The following TLR1 variants were observed in gnomAD, a reference collection of about 807,000 sequenced individuals.
The protein encoded by TLR1 is toll like receptor 1.
A neutral mutation model predicts 20.2 loss-of-function variants in TLR1; 19 were observed. That is an observed-to-expected ratio of 0.94 (90% CI 0.66 to 1.38). The LOEUF is 1.38. Ranked by LOEUF, TLR1 falls within the 40% of genes most tolerant of loss-of-function variation. The pLI is 0.00. For synonymous variants in TLR1, 320 were observed against 334.5 expected (o/e 0.96, Z 0.47); for missense variants, 921 against 910.0 (o/e 1.01, Z -0.16).
At chr4:38,791,836 G>T (rs578076312), downstream of TLR1, among the ~76,000 whole-genome samples, 4 of 152,280 alleles carry the variant, frequency 2.6e-5, no homozygotes, top group African/African-American at 9.6e-5. Context: ...TATGAGACAG[G>T]TATTTCCATT....
downstream of TLR1, among the ~76,000 whole-genome samples, chr4:38,795,241 C>T (rs1334504152): frequency 1.3e-5 from 2 of 152,196 alleles, no homozygotes; most frequent in Non-Finnish European, 2.9e-5. Context: ...CTTCTACAAG[C>T]ATCCCACGCA....
At position 38,798,497 on chromosome 4, in the gene TLR1, G is replaced by C; in HGVS notation, c.335C>G (p.Pro112Arg). The C allele has an allele frequency of 6.2e-7, 1 of 1,614,078 alleles. No homozygotes were observed. Among genetic ancestry groups the C allele is most frequent in the African/African-American group, 1.3e-5 (1 of 75,010 alleles). The change falls in exon 4 of 4, where the codon CCT becomes CGT. Residue 112 changes from proline to arginine, a missense_variant. Coordinates refer to ENST00000308979, the MANE Select transcript of TLR1 (RefSeq NM_003263.4). ...HNKLVKISCHPTVNLKHLDLS... is the reference protein window; with the variant it reads ...HNKLVKISCHRTVNLKHLDLS... ...GTCCAAGTGCTTGAGGTTCACAGTA[G>C]GGTGGCAAGAAATCTTCACCAACTT...
Position 38,796,404 on chromosome 4 carries a change from A to G in TLR1, c.*67T>C. 6.5e-7 allele frequency: 1 copy of G among 1,536,518 alleles called. No individual in the cohort carries two copies. Among genetic ancestry groups the G allele is most frequent in the South Asian group, 1.2e-5 (1 of 80,704 alleles). The stretch of plus-strand genomic sequence containing the variant: ...TTACATCTATGCTGATGCAAAATAA[A>G]GTCATTGTTGGAACTTCCAAAAGCA... On this transcript the variant is annotated 3_prime_UTR_variant, in exon 4 of 4. Coordinates refer to ENST00000308979, the MANE Select transcript of TLR1 (RefSeq NM_003263.4).
chr4:38,797,855 A>G lies in TLR1; in HGVS notation c.977T>C (p.Met326Thr). 1.2e-6 allele frequency: 2 copies of G among 1,614,080 alleles called. No individual in the cohort carries two copies. Among genetic ancestry groups the G allele is most frequent in the South Asian group, 2.2e-5 (2 of 91,090 alleles). The stretch of plus-strand genomic sequence containing the variant: ...AGACACTGTGAAATTTTTGATGTTC[A>G]TATTCGAAAAGATTTCATAGATATA... ...QSYIYEIFSN[M>T]NIKNFTVSGT... is the part of the protein sequence containing the mutation. Residue 326 changes from methionine (M) to threonine (T), a missense_variant, in exon 4 of 4, where the codon ATG becomes ACG. Coordinates refer to ENST00000308979, the MANE Select transcript of TLR1 (RefSeq NM_003263.4).
In TLR1 at chr4:38,798,729, C is replaced by A; in HGVS notation, c.103G>T (p.Gly35Cys). The change falls in exon 4 of 4, where the codon GGT becomes TGT. Residue 35 changes from glycine (G) to cysteine (C), a missense_variant. Coordinates refer to ENST00000308979, the MANE Select transcript of TLR1 (RefSeq NM_003263.4). ...SEFLVDRSKN[G>C]LIHVPKDLSQ... ...AGGTCTTTAGGAACGTGGATGAGACCGTTTTTTGACCTATCAACTAAAAAT... is the reference window on the plus strand; with the variant it reads ...AGGTCTTTAGGAACGTGGATGAGACAGTTTTTTGACCTATCAACTAAAAAT... 1 of 1,613,082 alleles carries A rather than the reference C, an allele frequency of 6.2e-7. No homozygotes were observed. Among genetic ancestry groups the A allele is most frequent in the South Asian group, 1.1e-5 (1 of 90,928 alleles).
At position 38,797,195 on chromosome 4, in the gene TLR1, A is replaced by T. The variant is rs1579202212; in HGVS notation, c.1637T>A (p.Val546Glu). The change falls in exon 4 of 4, where the codon GTG (valine) becomes GAG (glutamate). Residue 546 changes from valine to glutamate, a missense_variant. Val to Glu is a moderately radical substitution (Grantham distance 121). Transcript: ENST00000308979. ...VKNIDQVSSE[V>E]LEGWPDSYKC... ...ATAAGAATCAGGCCAGCCCTCTAAC[A>T]CTTCACTTGATACTTGGTCTATATT... is the stretch of plus-strand genomic sequence containing the variant. 1.2e-6 allele frequency: 2 copies of T among 1,614,218 alleles called. No homozygotes were observed. The highest frequency in any genetic ancestry group is 3.3e-5 in the Admixed American group (2 of 60,026).
At position 38,797,661 on chromosome 4, in the gene TLR1, C is replaced by G. The variant is rs1215671639; in HGVS notation, c.1171G>C (p.Ala391Pro). The stretch of plus-strand genomic sequence containing the variant: ...GACTTCATCTGTGTAGTCATTTCAG[C>G]TATTTTTGAAAGTTCTTTTAATTGA... ...MNQLKELSKI[A>P]EMTTQMKSLQ... The change falls in exon 4 of 4, where the codon GCT (alanine) becomes CCT (proline). Residue 391 changes from alanine (A) to proline (P), a missense_variant. Physicochemically the swap from Ala to Pro is conservative, Grantham distance 27. Transcript: ENST00000308979. 2 of 1,613,836 alleles carry G rather than the reference C, an allele frequency of 1.2e-6. No homozygotes were observed. Among genetic ancestry groups the G allele is most frequent in the Non-Finnish European group, 1.7e-6 (2 of 1,179,948 alleles).
chr4:38,787,773 C>T (rs1182715408), downstream of TLR1, among the ~76,000 whole-genome samples: 3 of 152,174 alleles, frequency 2.0e-5, no homozygotes, highest in South Asian at 6.2e-4. Flanking sequence ...TAGCCACATA[C>T]GGCTAGTGGC....
At position 38,796,817 on chromosome 4, in the gene TLR1, T is replaced by G; in HGVS notation, c.2015A>C (p.Asn672Thr). The G allele has an allele frequency of 6.2e-7, 1 of 1,614,216 alleles. No individual in the cohort carries two copies. Among genetic ancestry groups the G allele is most frequent in the Non-Finnish European group, 8.5e-7 (1 of 1,180,030 alleles). ...CACAATGCTCTTGCCAGGAACAAAG[T>G]TTCTCTCATGAAGGCAAATCTGCAT... Reference protein sequence around the residue: ...EGMQICLHERNFVPGKSIVEN... With the variant: ...EGMQICLHERTFVPGKSIVEN... Residue 672 changes from asparagine (N) to threonine (T), a missense_variant, in exon 4 of 4, where the codon AAC (asparagine) becomes ACC (threonine). Physicochemically the swap from Asn to Thr is moderately conservative, Grantham distance 65. Coordinates refer to ENST00000308979, the MANE Select transcript of TLR1 (RefSeq NM_003263.4).
At chr4:38,799,943 A>T (rs1251032232) in intron 3 of TLR1, among the ~76,000 whole-genome samples, 1 of 152,188 alleles carries the variant, frequency 6.6e-6, no homozygotes, top group Admixed American at 6.5e-5. Flanking sequence ...TCTAGTGGGG[A>T]GACAGAAAAT....
chr4:38,789,794 T>C (rs370858068), downstream of TLR1, among the ~76,000 whole-genome samples: 7 of 152,208 alleles, frequency 4.6e-5, no homozygotes, highest in East Asian at 9.6e-4. Flanking sequence ...GAGCAATATT[T>C]TGGCAGAGAT....
chr4:38,795,759 C>T (rs1475638996), downstream of TLR1, among the ~76,000 whole-genome samples: 4 of 152,272 alleles, frequency 2.6e-5, no homozygotes, highest in South Asian at 4.1e-4. Context: ...GGAAGCCAGT[C>T]GAGAATACTT....
rs564514530 is a variant in TLR1 at position 38,797,059 on chromosome 4, C to T, written c.1773G>A (p.Leu591=). 1.9e-6 allele frequency: 3 copies of T among 1,614,182 alleles called. No homozygotes were observed. Among genetic ancestry groups the T allele is most frequent in the Middle Eastern group, 1.6e-4 (1 of 6,062 alleles). Residue 591 remains leucine (L), a synonymous_variant, in exon 4 of 4, where the codon CTG becomes CTA. Coordinates refer to ENST00000308979, the MANE Select transcript of TLR1 (RefSeq NM_003263.4). ...LLIVTIVATM[L]VLAVTVTSLC... is the part of the protein sequence containing the mutation. The stretch of plus-strand genomic sequence containing the variant: ...GGGAGGTCACAGTCACAGCCAACAC[C>T]AGCATGGTGGCAACGATGGTGACGA...
Position 38,798,863 on chromosome 4 carries a change from G to T in TLR1, c.-32C>A. On this transcript the variant is annotated 5_prime_UTR_variant, in exon 4 of 4. Transcript: ENST00000308979. ...ACACTAGACATTCCTAAAGGTAGAAGCTGTTCTTCAGATCATCTTGATACA... is the reference window on the plus strand; with the variant it reads ...ACACTAGACATTCCTAAAGGTAGAATCTGTTCTTCAGATCATCTTGATACA... 1 of 1,485,454 alleles carries T rather than the reference G, an allele frequency of 6.7e-7. No individual in the cohort carries two copies. The highest frequency in any genetic ancestry group is 9.1e-7 in the Non-Finnish European group (1 of 1,100,348). 92.0% of individuals were successfully genotyped at this position (1,485,454 alleles called of 1,614,324 possible).
intron 2 of TLR1, among the ~76,000 whole-genome samples, chr4:38,803,770 C>T (rs5743572): frequency 0.056 from 8,509 of 152,190 alleles, 320 homozygotes; most frequent in African/African-American, 0.1. Flanking sequence ...CTTTTACTAT[C>T]CAAAAAATAA....
rs1445644672 is a variant in TLR1 at position 38,797,344 on chromosome 4, G to A, written c.1488C>T (p.Ile496=). The change falls in exon 4 of 4, where the codon ATC becomes ATT. Residue 496 remains isoleucine, a synonymous_variant. Coordinates refer to ENST00000308979, the MANE Select transcript of TLR1 (RefSeq NM_003263.4). ...GGTGGGAAACTGAATTGTGATCAATGATCAATACAGAAAGGCTGCTAAAGC... is the reference window on the plus strand; with the variant it reads ...GGTGGGAAACTGAATTGTGATCAATAATCAATACAGAAAGGCTGCTAAAGC... ...CGSFSSLSVL[I]IDHNSVSHPS... is the part of the protein sequence containing the mutation. 4 of 1,614,004 alleles carry A rather than the reference G, an allele frequency of 2.5e-6. No individual in the cohort carries two copies. The highest frequency in any genetic ancestry group is 1.3e-5 in the African/African-American group (1 of 74,912).
chr4:38,797,948 GAAT>G lies in TLR1; in HGVS notation c.881_883del (p.Tyr294del), dbSNP rs1285208663. 1 of 1,614,046 alleles carries G rather than the reference GAAT, an allele frequency of 6.2e-7. No homozygotes were observed. The highest frequency in any genetic ancestry group is 2.2e-5 in the East Asian group (1 of 44,894). The stretch of plus-strand genomic sequence containing the variant: ...AGACAAGGCCTTCAAGGAAGTGCCA[GAAT>G]AATCAAAATCTCTGAAGTCCAGCTG... On this transcript the variant is annotated inframe_deletion, in exon 4 of 4. Coordinates refer to ENST00000308979, the MANE Select transcript of TLR1 (RefSeq NM_003263.4).
At chr4:38,794,359 T>G (rs1321383987), downstream of TLR1, among the ~76,000 whole-genome samples, 3 of 152,194 alleles carry the variant, frequency 2.0e-5, no homozygotes. Flanking sequence ...TTCAAAGAAG[T>G]TTAAATAATG....
In TLR1 at chr4:38,796,696, G is replaced by T. The variant is rs141789763; in HGVS notation, c.2136C>A (p.Tyr712Ter). Residue 712 changes from tyrosine (Y) to a stop codon, truncating the protein, a stop_gained, in exon 4 of 4, where the codon TAC becomes TAA. Coordinates refer to ENST00000308979, the MANE Select transcript of TLR1 (RefSeq NM_003263.4). LOFTEE classifies it high-confidence loss of function. Reference sequence around the variant, plus strand: ...CATGAAAGAGATTGTGATGGGCAAAGTAGAGTTCATAATGGCACCATTCAC... The same window carrying T: ...CATGAAAGAGATTGTGATGGGCAAATTAGAGTTCATAATGGCACCATTCAC... ...VQSEWCHYEL[Y>*]FAHHNLFHEG... The T allele has an allele frequency of 2.5e-4, 404 of 1,614,076 alleles. 1 individual carries two copies. Among genetic ancestry groups the T allele is most frequent in the Non-Finnish European group, 3.0e-4 (352 of 1,180,052 alleles).
Sources: gnomAD v4.1 joint callset for allele counts (sites outside exome capture counted in the v4.1 genomes callset) on GRCh38, gnomAD v4.1.1 for gene constraint, MANE v1.5 for transcripts, NCBI Gene and HGNC (gene_info 2026-07-23, HGNC 2026-07-21) for gene names.